Variants in SH2D4A observed in about 807,000 individuals in gnomAD.
The protein encoded by SH2D4A is SH2 domain-containing protein 4A.
A neutral mutation model predicts 64.7 loss-of-function variants in SH2D4A; 70 were observed. That is an observed-to-expected ratio of 1.08 (90% CI 0.89 to 1.32). The LOEUF (loss-of-function observed/expected upper bound fraction) is 1.32. Ranked by LOEUF, SH2D4A falls within the 40% of genes most tolerant of loss-of-function variation. The pLI, the probability that SH2D4A is intolerant of heterozygous loss-of-function variation, is 0.00. For synonymous variants in SH2D4A, 268 were observed against 200.7 expected (o/e 1.34, Z -2.83); for missense variants, 706 against 540.1 (o/e 1.31, Z -3.04).
At chr8:19,365,855 C>T (rs910943451) in intron 7 of SH2D4A, among the ~76,000 whole-genome samples, 28 of 152,030 alleles carry the variant, frequency 1.8e-4, no homozygotes, top group African/African-American at 6.5e-4. Context: ...CCAAGGACTT[C>T]CCAAAAAAGA....
chr8:19,334,612 G>T (rs2052414748), intron 3 of SH2D4A, 74 bp from the exon 4 acceptor site: 18 of 1,470,738 alleles, frequency 1.2e-5, no homozygotes, highest in Admixed American at 2.2e-5. Flanking sequence ...TAATTTGAAT[G>T]TCGACATATG....
chr8:19,393,585 C>A (rs759054698), intron 9 of SH2D4A, 44 bp downstream of exon 9: 3 of 1,575,774 alleles, frequency 1.9e-6, no homozygotes, highest in Admixed American at 3.4e-5. Flanking sequence ...AGTTACTGTC[C>A]TGTAGCAGCT....
At chr8:19,336,543 A>C (rs1426227497) in intron 4 of SH2D4A, among the ~76,000 whole-genome samples, 2 of 151,988 alleles carry the variant, frequency 1.3e-5, no homozygotes, top group Non-Finnish European at 2.9e-5. Flanking sequence ...ATAACAAGAA[A>C]GCTCCTTCCA....
intron 4 of SH2D4A, among the ~76,000 whole-genome samples, chr8:19,355,191 T>G (rs1251577546): frequency 6.6e-6 from 1 of 152,158 alleles, no homozygotes; most frequent in Non-Finnish European, 1.5e-5. Flanking sequence ...CTCCTAATTT[T>G]CAAATATAAG....
At position 19,332,980 on chromosome 8, in the gene SH2D4A, A is replaced by G. The variant is rs1574288; in HGVS notation, c.207A>G (p.Lys69=). Residue 69 remains lysine, a synonymous_variant, in exon 3 of 10, where the codon AAA becomes AAG. Coordinates refer to ENST00000265807, the MANE Select transcript of SH2D4A (RefSeq NM_022071.4). ...KKENGKSVHW[K]LGADKEVWVW... is the part of the protein sequence containing the mutation. Reference sequence around the variant, plus strand: ...AGAATGGCAAATCGGTTCATTGGAAACTTGGAGCTGATAAGGAAGTCTGGG... The same window carrying G: ...AGAATGGCAAATCGGTTCATTGGAAGCTTGGAGCTGATAAGGAAGTCTGGG... The G allele has an allele frequency of 0.22, 362,187 of 1,612,204 alleles. 43,269 individuals carry two copies. The highest frequency in any genetic ancestry group is 0.36 in the African/African-American group (27,292 of 74,794).
intron 4 of SH2D4A, among the ~76,000 whole-genome samples, chr8:19,338,715 G>T (rs1468246785): frequency 6.6e-6 from 1 of 152,210 alleles, no homozygotes; most frequent in Non-Finnish European, 1.5e-5. Flanking sequence ...ACACCTTGAT[G>T]TTGGCCCAAG....
chr8:19,346,066 C>T (rs1021499795), intron 4 of SH2D4A, among the ~76,000 whole-genome samples: 4 of 152,036 alleles, frequency 2.6e-5, no homozygotes, highest in South Asian at 2.1e-4. Flanking sequence ...TTTATTATAC[C>T]GAATAAATAT....
chr8:19,332,026 A>C (rs763185846), intron 2 of SH2D4A, among the ~76,000 whole-genome samples: 2 of 152,102 alleles, frequency 1.3e-5, no homozygotes, highest in Non-Finnish European at 2.9e-5. Context: ...ATGGTAATGC[A>C]TGCCTGCATT....
intron 4 of SH2D4A, among the ~76,000 whole-genome samples, chr8:19,354,261 A>G (rs2052755504): frequency 6.6e-6 from 1 of 152,164 alleles, no homozygotes; most frequent in Non-Finnish European, 1.5e-5. Context: ...TTGGCCTCTC[A>G]AAGTGCTGGG....
chr8:19,390,789 T>C (rs2053479694), intron 8 of SH2D4A, among the ~76,000 whole-genome samples: 1 of 152,164 alleles, frequency 6.6e-6, no homozygotes, highest in African/African-American at 2.4e-5. Flanking sequence ...GGAGATTAGA[T>C]GGCACCAAGA....
intron 7 of SH2D4A, among the ~76,000 whole-genome samples, chr8:19,364,577 C>T (rs552476484): frequency 1.8e-4 from 28 of 151,894 alleles, no homozygotes; most frequent in African/African-American, 6.8e-4. Context: ...CTCCCCTTTC[C>T]CTCCCCCGCC....
At chr8:19,328,727 A>G (rs538663919) in intron 2 of SH2D4A, among the ~76,000 whole-genome samples, 3 of 152,330 alleles carry the variant, frequency 2.0e-5, no homozygotes, top group African/African-American at 7.2e-5. Context: ...ATATTCGTGC[A>G]TTCTTCATTG....
intron 3 of SH2D4A, 90 bp downstream of exon 3, chr8:19,333,204 G>A: frequency 7.0e-7 from 1 of 1,425,710 alleles, no homozygotes; most frequent in Non-Finnish European, 9.4e-7. Context: ...AGTATCAGGT[G>A]GGAGAGTAGG....
At chr8:19,334,528 G>A (rs913626012) in intron 3 of SH2D4A, among the ~76,000 whole-genome samples, 158 bp from the exon 4 acceptor site, 3 of 152,168 alleles carry the variant, frequency 2.0e-5, no homozygotes, top group African/African-American at 4.8e-5. Context: ...TGAAGTTAAC[G>A]TCTTTACACA....
chr8:19,327,219 C>T (rs2052296190), intron 2 of SH2D4A, among the ~76,000 whole-genome samples: 1 of 152,154 alleles, frequency 6.6e-6, no homozygotes, highest in Non-Finnish European at 1.5e-5. Context: ...AGATAGCAAA[C>T]ATGAAGAGTC....
At chr8:19,342,301 A>G (rs1013557078) in intron 4 of SH2D4A, among the ~76,000 whole-genome samples, 3 of 152,256 alleles carry the variant, frequency 2.0e-5, no homozygotes, top group African/African-American at 7.2e-5. Flanking sequence ...GAGCTTATGT[A>G]GAACTTGGGG....
At chr8:19,386,763 T>C (rs2053400163) in intron 8 of SH2D4A, among the ~76,000 whole-genome samples, 1 of 152,190 alleles carries the variant, frequency 6.6e-6, no homozygotes, top group Non-Finnish European at 1.5e-5. Flanking sequence ...GTGTTTGTCA[T>C]CAAACATTTG....
chr8:19,361,663 C>T (rs181804178), intron 6 of SH2D4A, among the ~76,000 whole-genome samples: 128 of 152,244 alleles, frequency 8.4e-4, no homozygotes, highest in Admixed American at 2.2e-3. Flanking sequence ...GAATGAAAAG[C>T]TTCGCTATTT....
intron 4 of SH2D4A, among the ~76,000 whole-genome samples, chr8:19,345,649 C>G (rs541166255): frequency 4.5e-4 from 69 of 152,318 alleles, no homozygotes; most frequent in African/African-American, 1.6e-3. Context: ...TTTGGTCCAC[C>G]TGGGTAATAG....
Sources: gnomAD v4.1 joint callset for allele counts (sites outside exome capture counted in the v4.1 genomes callset) on GRCh38, gnomAD v4.1.1 for gene constraint, MANE v1.5 for transcripts, NCBI Gene and HGNC (gene_info 2026-07-23, HGNC 2026-07-21) for gene names.